ATP9B: variants seen among roughly 807,000 people sequenced by gnomAD.
ATP9B encodes the protein probable phospholipid-transporting ATPase IIB.
ATP9B carries 110 observed loss-of-function variants against 146.1 expected under a neutral mutation model. The ratio of observed to expected loss-of-function variants is 0.75; its 90% CI spans 0.65 to 0.88. The LOEUF (loss-of-function observed/expected upper bound fraction) is 0.88, where lower values mean the gene tolerates loss of function less well. ATP9B is among the 40% of genes least tolerant of loss of function. ATP9B has a pLI of 0.00. For missense variants in ATP9B, 1,499 were observed against 1,496.4 expected (o/e 1.00, Z -0.03); for synonymous variants, 604 against 569.7 (o/e 1.06, Z -0.86).
chr18:79,117,675 G>A (rs1318076544), intron 4 of ATP9B: 1 of 152,150 alleles, frequency 6.6e-6, no homozygotes, highest in East Asian at 1.9e-4. Flanking sequence ...GAAGCCGTAT[G>A]TTTGTGTATA....
intron 9 of ATP9B, among the ~76,000 whole-genome samples, chr18:79,200,756 T>TGGGAACTGTC (rs1568388705): frequency 1.3e-5 from 2 of 152,208 alleles, no homozygotes; most frequent in African/African-American, 2.4e-5. Context: ...GAGGTGGAGG[T>TGGGAACTGTC]GGGAACGTTG....
chr18:79,344,256 T>G lies in ATP9B; in HGVS notation c.2383-9T>G. ...TTTAATTTGGGATTCTTTTTCTCCC[T>G]TAATGGAGGTAACCAGTCGGGGAGA... On this transcript the variant is annotated splice_polypyrimidine_tract_variant and intron_variant, in intron 20 of 29. Transcript: ENST00000426216. The G allele has an allele frequency of 6.2e-7, 1 of 1,613,496 alleles. No individual in the cohort carries two copies. The highest frequency in any genetic ancestry group is 8.5e-7 in the Non-Finnish European group (1 of 1,179,400).
At chr18:79,231,242 A>G (rs1182563767) in intron 11 of ATP9B, among the ~76,000 whole-genome samples, 2 of 152,228 alleles carry the variant, frequency 1.3e-5, no homozygotes, top group African/African-American at 4.8e-5. Context: ...TTCACAACCT[A>G]TACATCTGAC....
chr18:79,157,210 AC>A (rs1241890110), intron 7 of ATP9B, among the ~76,000 whole-genome samples: 1 of 47,940 alleles, frequency 2.1e-5, no homozygotes, highest in Non-Finnish European at 4.4e-5. Flanking sequence ...AAAAAAATAC[AC>A]ACACACACAC....
chr18:79,327,015 G>C (rs1020440757), intron 15 of ATP9B, among the ~76,000 whole-genome samples: 2 of 152,206 alleles, frequency 1.3e-5, no homozygotes, highest in Non-Finnish European at 2.9e-5. Flanking sequence ...CCCAGGGTTC[G>C]GTCCTAACCT....
intron 7 of ATP9B, 120 bp downstream of exon 7, chr18:79,154,675 A>G (rs1229265830): frequency 1.2e-5 from 7 of 581,476 alleles, no homozygotes; most frequent in South Asian, 4.0e-5. Context: ...GCAATGAGGA[A>G]TATTCTGTAG....
chr18:79,257,504 G>A (rs746133627), intron 12 of ATP9B, among the ~76,000 whole-genome samples: 7 of 152,174 alleles, frequency 4.6e-5, no homozygotes, highest in Non-Finnish European at 1.0e-4. Context: ...AAGTCAAACC[G>A]GGCACTGGAA....
At chr18:79,172,559 TACA>T (rs1376007467) in intron 7 of ATP9B, among the ~76,000 whole-genome samples, 11 of 124,188 alleles carry the variant, frequency 8.9e-5, no homozygotes, top group Admixed American at 4.6e-4. Context: ...GTGCTGTGAT[TACA>T]GGCGTAGCCA....
chr18:79,144,644 C>T (rs981714238), intron 6 of ATP9B: 2 of 152,272 alleles, frequency 1.3e-5, no homozygotes, highest in African/African-American at 4.8e-5. Flanking sequence ...TTAGGGACCT[C>T]TGCTTTAAAT....
chr18:79,185,189 A>G (rs1258832848), intron 8 of ATP9B, among the ~76,000 whole-genome samples: 2 of 152,210 alleles, frequency 1.3e-5, no homozygotes, highest in Non-Finnish European at 1.5e-5. Flanking sequence ...CACATATATC[A>G]AAACAAAATG....
chr18:79,278,186 G>A (rs942910344), intron 13 of ATP9B, among the ~76,000 whole-genome samples: 12 of 152,186 alleles, frequency 7.9e-5, no homozygotes, highest in African/African-American at 2.7e-4. Context: ...CAGCAGCTGC[G>A]TCCATAGAAG....
intron 13 of ATP9B, among the ~76,000 whole-genome samples, chr18:79,303,387 T>C (rs1015592030): frequency 1.2e-4 from 19 of 152,084 alleles, no homozygotes; most frequent in African/African-American, 4.1e-4. Context: ...AAAAATGTTA[T>C]AAAGGTACCT....
chr18:79,285,065 A>G (rs1269050643), intron 13 of ATP9B, among the ~76,000 whole-genome samples: 1 of 151,358 alleles, frequency 6.6e-6, no homozygotes, highest in African/African-American at 2.4e-5. Flanking sequence ...ATTGTGAATA[A>G]TGCCGCAATA....
At chr18:79,327,641 GTTAGCATGCTCTCCGTGT>G (rs1568698714) in intron 15 of ATP9B, among the ~76,000 whole-genome samples, 15 of 47,624 alleles carry the variant, frequency 3.1e-4, no homozygotes, top group East Asian at 6.2e-4. Context: ...GCCCTCCCTG[GTTAGCATGCTCTCCGTGT>G]TTAGCGTGCT....
At chr18:79,355,168 C>G (rs2096944078) in intron 25 of ATP9B, among the ~76,000 whole-genome samples, 1 of 152,236 alleles carries the variant, frequency 6.6e-6, no homozygotes, top group Admixed American at 6.5e-5. Context: ...CCTTTCCCCA[C>G]CAGAGCAGGG....
intron 5 of ATP9B, among the ~76,000 whole-genome samples, chr18:79,135,801 A>G (rs1211650266): frequency 6.6e-6 from 1 of 152,104 alleles, no homozygotes; most frequent in African/African-American, 2.4e-5. Context: ...ACTTACGAAT[A>G]TCCATTTTGA....
intron 15 of ATP9B, among the ~76,000 whole-genome samples, chr18:79,310,262 T>C (rs1020830136): frequency 1.3e-5 from 2 of 152,216 alleles, no homozygotes; most frequent in African/African-American, 4.8e-5. Context: ...TCATGCACAG[T>C]ACGGGGCTTG....
chr18:79,345,340 C>T (rs1490764419), intron 21 of ATP9B, 88 bp from the exon 22 acceptor site: 5 of 1,483,460 alleles, frequency 3.4e-6, no homozygotes, highest in Non-Finnish European at 4.6e-6. Flanking sequence ...GTTGGCTTTG[C>T]TCCCATGGTT....
chr18:79,277,849 G>A (rs2096330699), intron 13 of ATP9B, among the ~76,000 whole-genome samples: 1 of 152,068 alleles, frequency 6.6e-6, no homozygotes, highest in African/African-American at 2.4e-5. Context: ...GTAATTCTTA[G>A]TGAACTAAAA....
Sources: allele counts gnomAD v4.1 joint callset (sites outside exome capture counted in the v4.1 genomes callset), GRCh38; gene constraint gnomAD v4.1.1; transcripts MANE v1.5; gene names NCBI Gene and HGNC (gene_info 2026-07-23, HGNC 2026-07-21).